The following SMC1B variants were observed in gnomAD, a reference collection of about 807,000 sequenced individuals.
SMC1B encodes the protein structural maintenance of chromosomes 1B.
SMC1B carries 60 observed loss-of-function variants against 157.9 expected under a neutral mutation model. That is an observed-to-expected ratio of 0.38 (90% CI 0.31 to 0.47). SMC1B has a LOEUF of 0.47. Among genes scored for constraint, SMC1B ranks in the 20% least tolerant of loss-of-function variants. The pLI is 0.99. For missense variants in SMC1B, 1,165 were observed against 1,426.2 expected, an observed-to-expected ratio of 0.82 and a Z score of 2.95; for synonymous variants, 445 against 483.0, an observed-to-expected ratio of 0.92 and a Z score of 1.03.
chr22:45,355,055 A>G lies in SMC1B; in HGVS notation c.3022T>C (p.Ser1008Pro). 6.2e-7 allele frequency: 1 copy of G among 1,614,100 alleles called. No homozygotes were observed. The highest frequency in any genetic ancestry group is 8.5e-7 in the Non-Finnish European group (1 of 1,180,000). Reference protein sequence around the residue: ...HLRLLLQQVASQEDILLKTAA... With the variant: ...HLRLLLQQVAPQEDILLKTAA... ...GTTTTCAGTAAGATATCTTCCTGGGATGCTACTTGCTGCAATAAGAGCCTA... is the reference window on the plus strand; with the variant it reads ...GTTTTCAGTAAGATATCTTCCTGGGGTGCTACTTGCTGCAATAAGAGCCTA... The change falls in exon 20 of 25, where the codon TCC becomes CCC. Residue 1008 changes from serine to proline, a missense_variant. By Grantham distance (74) the Ser-to-Pro change is moderately conservative. Coordinates refer to ENST00000357450, the MANE Select transcript of SMC1B (RefSeq NM_148674.5).
At chr22:45,353,921 C>CAAAAA (rs1184241879) in intron 21 of SMC1B, 57 bp downstream of exon 21, 6 of 400,404 alleles carry the variant, frequency 1.5e-5, no homozygotes, top group African/African-American at 6.1e-5. Context: ...AAAAAAAAAA[C>CAAAAA]AACCACCACC....
Position 45,393,783 on chromosome 22 carries a change from T to C in SMC1B, c.1396A>G (p.Thr466Ala). Residue 466 changes from threonine to alanine, a missense_variant, in exon 9 of 25, where the codon ACA becomes GCA. Physicochemically the swap from Thr to Ala is moderately conservative, Grantham distance 58. Transcript: ENST00000357450. ...EETLVDEIEKTKSRMSEVNEE... is the reference protein window; with the variant it reads ...EETLVDEIEKAKSRMSEVNEE... ...TTAACTTCAGACATTCTTGATTTTG[T>C]TTTTTCAATTTCATCCACTAGGGTT... is the stretch of plus-strand genomic sequence containing the variant. 1 of 1,613,814 alleles carries C rather than the reference T, an allele frequency of 6.2e-7. No individual in the cohort carries two copies. The highest frequency in any genetic ancestry group is 8.5e-7 in the Non-Finnish European group (1 of 1,179,804).
chr22:45,383,614 C>A lies in SMC1B; in HGVS notation c.1912-1G>T. The stretch of plus-strand genomic sequence containing the variant: ...ATAATGTTCCATCAAGAGCTACTGT[C>A]TGTAAAAGTAAAAATATTTTGCCCT... On this transcript the variant is annotated splice_acceptor_variant, in intron 11 of 24. Coordinates refer to ENST00000357450, the MANE Select transcript of SMC1B (RefSeq NM_148674.5). LOFTEE classifies it high-confidence loss of function. The A allele has an allele frequency of 6.3e-7, 1 of 1,579,668 alleles. No individual in the cohort carries two copies. Among genetic ancestry groups the A allele is most frequent in the Non-Finnish European group, 8.5e-7 (1 of 1,170,684 alleles).
chr22:45,403,141 T>A (rs1488204176), intron 4 of SMC1B, among the ~76,000 whole-genome samples: 1 of 152,210 alleles, frequency 6.6e-6, no homozygotes, highest in East Asian at 1.9e-4. Context: ...TAACAGGCTA[T>A]CCACTAGGAT....
rs563056845 is a variant in SMC1B, at chr22:45,394,738, T to C, written c.1284A>G (p.Ile428Met). ...TCTCTATTCGTTTTTTATGATCTTC[T>C]ATTTGTTCTTTTATTTGTTTTAGAT... ...QGNLKQIKEQ[I>M]EDHKKRIEKL... Residue 428 changes from isoleucine (I) to methionine (M), a missense_variant, in exon 8 of 25, where the codon ATA (isoleucine) becomes ATG (methionine). Ile to Met is a conservative substitution (Grantham distance 10). Coordinates refer to ENST00000357450, the MANE Select transcript of SMC1B (RefSeq NM_148674.5). The C allele has an allele frequency of 3.2e-6, 5 of 1,556,940 alleles. No individual in the cohort carries two copies. In the South Asian group the frequency reaches 5.8e-5, roughly 18 times the overall value.
chr22:45,372,439 A>AT, intron 12 of SMC1B, 147 bp from the exon 13 acceptor site: 1 of 648,934 alleles, frequency 1.5e-6, no homozygotes, highest in Non-Finnish European at 2.5e-6. Context: ...AGACTGGGCA[A>AT]TTAAGTACAT....
chr22:45,379,392 G>A (rs971157095), intron 12 of SMC1B, among the ~76,000 whole-genome samples: 2 of 152,154 alleles, frequency 1.3e-5, no homozygotes, highest in African/African-American at 2.4e-5. Flanking sequence ...CATGTTTACC[G>A]TAATCACTGA....
At position 45,359,923 on chromosome 22, in the gene SMC1B, A is replaced by G. The variant is rs755272393; in HGVS notation, c.2744T>C (p.Ile915Thr). 1 of 1,614,028 alleles carries G rather than the reference A, an allele frequency of 6.2e-7. No homozygotes were observed. The highest frequency in any genetic ancestry group is 1.7e-5 in the Admixed American group (1 of 60,004). The part of the protein sequence containing the change: ...VGKLQKEVVS[I>T]QTSLEQKRLE... The stretch of plus-strand genomic sequence containing the variant: ...TCGTTTCTGTTCCAGAGAAGTTTGA[A>G]TACTTACAACTTCTTTTTGCAATTT... The change falls in exon 18 of 25, where the codon ATT (isoleucine) becomes ACT (threonine). Residue 915 changes from isoleucine to threonine, a missense_variant. Coordinates refer to ENST00000357450, the MANE Select transcript of SMC1B (RefSeq NM_148674.5).
Position 45,393,678 on chromosome 22 carries a change from C to T in SMC1B, c.1501G>A (p.Ala501Thr). 6.2e-7 allele frequency: 1 copy of T among 1,614,096 alleles called. No homozygotes were observed. Among genetic ancestry groups the T allele is most frequent in the Non-Finnish European group, 8.5e-7 (1 of 1,180,002 alleles). ...THEGKRQQKR[A>T]EVLEHLKRLY... The stretch of plus-strand genomic sequence containing the variant: ...CTTTTAAGGTGTTCCAGAACCTCTG[C>T]TCTCTTTTGCTGACGTTTTCCCTCA... Residue 501 changes from alanine to threonine, a missense_variant, in exon 9 of 25, where the codon GCA (alanine) becomes ACA (threonine). Ala to Thr is a moderately conservative substitution (Grantham distance 58). Transcript: ENST00000357450.
At chr22:45,370,629 T>C (rs2086822108) in intron 14 of SMC1B, among the ~76,000 whole-genome samples, 1 of 152,200 alleles carries the variant, frequency 6.6e-6, no homozygotes, top group Admixed American at 6.5e-5. Flanking sequence ...ATACATTAAA[T>C]ATGAATGTGG....
intron 7 of SMC1B, among the ~76,000 whole-genome samples, chr22:45,395,008 T>C (rs1046414473): frequency 9.9e-5 from 15 of 152,258 alleles, no homozygotes; most frequent in African/African-American, 3.6e-4. Flanking sequence ...AAGGAGATTA[T>C]TTTCAAATAT....
At chr22:45,389,497 T>C (rs1602082168) in intron 10 of SMC1B, among the ~76,000 whole-genome samples, 1 of 152,148 alleles carries the variant, frequency 6.6e-6, no homozygotes, top group African/African-American at 2.4e-5. Context: ...AAAAACTAGA[T>C]AGGGAAGAAA....
intron 20 of SMC1B, 37 bp from the exon 21 acceptor site, chr22:45,354,169 C>A (rs2146764582): frequency 2.1e-6 from 3 of 1,454,230 alleles, no homozygotes; most frequent in Non-Finnish European, 1.8e-6. Flanking sequence ...TTAGAGACCA[C>A]TGAGGAGGTT....
chr22:45,396,513 T>A, intron 6 of SMC1B, 27 bp from the exon 7 acceptor site: 1 of 1,590,752 alleles, frequency 6.3e-7, no homozygotes, highest in Non-Finnish European at 8.5e-7. Context: ...GAAAAATTGC[T>A]AATTCACCTT....
intron 11 of SMC1B, among the ~76,000 whole-genome samples, chr22:45,385,320 T>C (rs1359151961): frequency 6.6e-6 from 1 of 152,124 alleles, no homozygotes; most frequent in African/African-American, 2.4e-5. Context: ...AACCAAAATA[T>C]TTAATACTAC....
chr22:45,353,147 T>C (rs2086630986), intron 21 of SMC1B, among the ~76,000 whole-genome samples: 2 of 151,728 alleles, frequency 1.3e-5, no homozygotes, highest in South Asian at 4.1e-4. Flanking sequence ...GGTATGCGCC[T>C]GTAATCCCAG....
intron 5 of SMC1B, among the ~76,000 whole-genome samples, chr22:45,399,934 T>C (rs1394819378): frequency 6.6e-6 from 1 of 152,204 alleles, no homozygotes; most frequent in African/African-American, 2.4e-5. Flanking sequence ...TGGCAGATGG[T>C]AGAAGCCAGA....
At chr22:45,409,345 C>T (rs561234970) in intron 1 of SMC1B, among the ~76,000 whole-genome samples, 4 of 152,118 alleles carry the variant, frequency 2.6e-5, no homozygotes, top group Non-Finnish European at 5.9e-5. Context: ...GAGCAGATCA[C>T]CTGAGGTCAA....
At chr22:45,406,317 A>T (rs1277362224) in intron 4 of SMC1B, 143 bp downstream of exon 4, 3 of 651,472 alleles carry the variant, frequency 4.6e-6, no homozygotes, top group Non-Finnish European at 7.4e-6. Context: ...TACATCAAAA[A>T]GTTTATCTTA....
Sources: gnomAD v4.1 joint callset for allele counts (sites outside exome capture counted in the v4.1 genomes callset) on GRCh38, gnomAD v4.1.1 for gene constraint, MANE v1.5 for transcripts, NCBI Gene and HGNC (gene_info 2026-07-23, HGNC 2026-07-21) for gene names.